DLK1: variants seen among roughly 807,000 people sequenced by gnomAD.
DLK1 encodes delta like non-canonical Notch ligand 1.
Under a neutral mutation model 35.2 loss-of-function variants are expected in DLK1, and 9 were observed. That is an observed-to-expected ratio of 0.26 (90% confidence interval 0.15 to 0.45). The LOEUF is 0.45. Among genes scored for constraint, DLK1 ranks in the 20% least tolerant of loss-of-function variants. The pLI, the probability that DLK1 is intolerant of heterozygous loss-of-function variation, is 1.00. For missense variants in DLK1, 522 were observed against 528.5 expected (o/e 0.99, Z 0.12); for synonymous variants, 231 against 228.4 (o/e 1.01, Z -0.10).
At position 100,737,898 on chromosome 14, in the gene DLK1, C is replaced by T. The variant is rs1555406; in HGVS notation, c.*3002C>T. 0.12 allele frequency: 18,649 copies of T among 152,210 alleles called. 1,170 individuals carry two copies. Among genetic ancestry groups the T allele is most frequent in the South Asian group, 0.23 (1,103 of 4,822 alleles). 9.4% of individuals were successfully genotyped at this position (152,210 alleles called of 1,614,324 possible). On this transcript the variant is annotated 3_prime_UTR_variant, in exon 5 of 5. Transcript: ENST00000341267. ...GCAGTGTCAGCAGCCTCGCCACGGT[C>T]TTCACGTCATGCAGAAATGGTCATT...
intron 2 of DLK1, 41 bp from the exon 3 acceptor site, chr14:100,728,895 C>T (rs1348363905): frequency 6.2e-7 from 1 of 1,606,306 alleles, no homozygotes. Context: ...CTACCCCTGC[C>T]CTCTTCATAT....
At position 100,734,951 on chromosome 14, in the gene DLK1, C is replaced by T. The variant is rs567161250; in HGVS notation, c.*55C>T. The T allele has an allele frequency of 2.5e-5, 38 of 1,519,310 alleles. No homozygotes were observed. In the East Asian group the frequency reaches 2.9e-4, roughly 12 times the overall value. The allele number at this position is 1,519,310 out of a possible 1,614,324, so 94.1% of individuals were successfully genotyped here. A position where few individuals can be genotyped will look rare whatever the true frequency, so the allele number is the denominator to read the frequency against. Reference sequence around the variant, plus strand: ...TTGGAGTTCCGCAGAGCTTACTATACGCGGTCTGTCCTAATCTTTGTGGTG... The same window carrying T: ...TTGGAGTTCCGCAGAGCTTACTATATGCGGTCTGTCCTAATCTTTGTGGTG... On this transcript the variant is annotated 3_prime_UTR_variant, in exon 5 of 5. Coordinates refer to ENST00000341267, the MANE Select transcript of DLK1 (RefSeq NM_003836.7). The surrounding 1 kb of genome is among the most constrained non-coding windows in gnomAD (Gnocchi z 7.4).
rs561614741 is a variant in DLK1, at chr14:100,733,009, C to T, written c.404+826C>T. 5.9e-5 allele frequency among the ~76,000 whole-genome samples: 9 copies of T among 152,230 alleles called. No homozygotes were observed. In the South Asian group the frequency reaches 1.2e-3, roughly 21 times the overall value. On this transcript the variant is annotated intron_variant, in intron 4 of 4. Transcript: ENST00000341267. ...AACATGCAAATAAGCTTATCTTGAC[C>T]GGACATCGCAGGGTGGCACAGAGAC...
At chr14:100,728,561 G>T (rs904479114) in intron 2 of DLK1, 102 bp downstream of exon 2, 6 of 1,026,204 alleles carry the variant, frequency 5.8e-6, no homozygotes, top group Non-Finnish European at 8.3e-6. Context: ...CCACTACGCT[G>T]CAGCAAACAG....
chr14:100,728,287 A>G (rs548973831), intron 1 of DLK1, 109 bp from the exon 2 acceptor site: 47 of 1,188,498 alleles, frequency 4.0e-5, no homozygotes, highest in South Asian at 2.5e-4. Flanking sequence ...AGGACCCAAG[A>G]GGGCTGTTGG....
Position 100,734,916 on chromosome 14 carries a change from C to G in DLK1, c.*20C>G. Reference sequence around the variant, plus strand: ...ATCTAAGCAGCGTTCCCACAGCCCCCTCTAGATTCTTGGAGTTCCGCAGAG... The same window carrying G: ...ATCTAAGCAGCGTTCCCACAGCCCCGTCTAGATTCTTGGAGTTCCGCAGAG... On this transcript the variant is annotated 3_prime_UTR_variant, in exon 5 of 5. Transcript: ENST00000341267. This position sits in a 1 kb window ranked among gnomAD's most constrained non-coding sequence, Gnocchi z 7.4. The G allele has an allele frequency of 3.2e-6, 5 of 1,546,224 alleles. No individual in the cohort carries two copies. Among genetic ancestry groups the G allele is most frequent in the Non-Finnish European group, 4.3e-6 (5 of 1,151,804 alleles).
rs751157855 is a variant in DLK1, at chr14:100,734,663, T to C, written c.919T>C (p.Phe307Leu). 6.2e-7 allele frequency: 1 copy of C among 1,614,044 alleles called. No individual in the cohort carries two copies. The highest frequency in any genetic ancestry group is 2.2e-5 in the East Asian group (1 of 44,890). ...CCTCACCGAGGGCCAGGCCATCTGC[T>C]TCACCATCCTGGGCGTGCTCACCAG... Reference protein sequence around the residue: ...PLLTEGQAICFTILGVLTSLV... With the variant: ...PLLTEGQAICLTILGVLTSLV... Residue 307 changes from phenylalanine (F) to leucine (L), a missense_variant, in exon 5 of 5, where the codon TTC becomes CTC. Transcript: ENST00000341267. The surrounding 1 kb of genome is among the most constrained non-coding windows in gnomAD (Gnocchi z 7.4).
chr14:100,727,158 T>C lies in DLK1; in HGVS notation c.67+23T>C, dbSNP rs771294067. 9.1e-6 allele frequency: 14 copies of C among 1,546,576 alleles called. No individual in the cohort carries two copies. The East Asian group carries it at 3.4e-4, about 38-fold the overall frequency. On this transcript the variant is annotated intron_variant, in intron 1 of 4. Coordinates refer to ENST00000341267, the MANE Select transcript of DLK1 (RefSeq NM_003836.7). ...ATGGTGAGTTCCCCGGCGGCCCGGC[T>C]CGCGCCCCCTCTGGGGAAGCCTGCG...
chr14:100,734,649 G>C lies in DLK1; in HGVS notation c.905G>C (p.Gly302Ala), dbSNP rs556698416. ...AAGAAAACCCCTCTCCTCACCGAGGGCCAGGCCATCTGCTTCACCATCCTG... is the reference window on the plus strand; with the variant it reads ...AAGAAAACCCCTCTCCTCACCGAGGCCCAGGCCATCTGCTTCACCATCCTG... ...LNKKTPLLTEGQAICFTILGV... is the reference protein window; with the variant it reads ...LNKKTPLLTEAQAICFTILGV... Residue 302 changes from glycine to alanine, a missense_variant, in exon 5 of 5, where the codon GGC (glycine) becomes GCC (alanine). Physicochemically the swap from Gly to Ala is moderately conservative, Grantham distance 60. Transcript: ENST00000341267. The surrounding 1 kb of genome is among the most constrained non-coding windows in gnomAD (Gnocchi z 7.4). 22 of 1,613,990 alleles carry C rather than the reference G, an allele frequency of 1.4e-5. No individual in the cohort carries two copies. The highest frequency in any genetic ancestry group is 1.8e-5 in the Non-Finnish European group (21 of 1,180,026).
rs201108303 is a variant in DLK1, at chr14:100,734,268, C to T, written c.524C>T (p.Thr175Ile). 14 of 1,613,366 alleles carry T rather than the reference C, an allele frequency of 8.7e-6. No individual in the cohort carries two copies. The highest frequency in any genetic ancestry group is 1.3e-5 in the African/African-American group (1 of 74,924). Residue 175 changes from threonine (T) to isoleucine (I), a missense_variant, in exon 5 of 5, where the codon ACC becomes ATC. Coordinates refer to ENST00000341267, the MANE Select transcript of DLK1 (RefSeq NM_003836.7). The surrounding 1 kb of genome is among the most constrained non-coding windows in gnomAD (Gnocchi z 7.4). ...TGCGAGATCGTGGCCAACAGCTGCA[C>T]CCCCAACCCATGCGAGAACGACGGC... ...NFCEIVANSC[T>I]PNPCENDGVC...
intron 4 of DLK1, among the ~76,000 whole-genome samples, chr14:100,732,746 T>C (rs1236524224): frequency 6.6e-6 from 1 of 152,016 alleles, no homozygotes; most frequent in African/African-American, 2.4e-5. Context: ...ACAGACAGAG[T>C]GGCCACTGTC....
intron 3 of DLK1, among the ~76,000 whole-genome samples, chr14:100,731,200 C>T (rs1304541844): frequency 6.6e-6 from 1 of 152,182 alleles, no homozygotes; most frequent in Admixed American, 6.5e-5. Context: ...ACAGGGGTCC[C>T]TTCCTGGCCC....
In DLK1 at chr14:100,729,052, A is replaced by T. The variant is rs761906566; in HGVS notation, c.248A>T (p.Glu83Val). Residue 83 changes from glutamate to valine, a missense_variant, in exon 3 of 5, where the codon GAG becomes GTG. Transcript: ENST00000341267. The part of the protein sequence containing the change: ...QCICTDGWDG[E>V]LCDRDVRACS... ...ATTTGCACCGACGGCTGGGACGGGGAGCTCTGTGATAGAGGTTGGCACTCG... is the reference window on the plus strand; with the variant it reads ...ATTTGCACCGACGGCTGGGACGGGGTGCTCTGTGATAGAGGTTGGCACTCG... 6.2e-6 allele frequency: 10 copies of T among 1,613,730 alleles called. No individual in the cohort carries two copies. The highest frequency in any genetic ancestry group is 1.7e-5 in the Admixed American group (1 of 60,016).
Position 100,735,247 on chromosome 14 carries a change from G to A in DLK1, c.*351G>A, listed in dbSNP as rs185637157. The A allele has an allele frequency of 2.7e-4, 56 of 204,946 alleles. No individual in the cohort carries two copies. Among genetic ancestry groups the A allele is most frequent in the African/African-American group, 1.2e-3 (50 of 43,120 alleles). 12.7% of individuals were successfully genotyped at this position (204,946 alleles called of 1,614,324 possible). A position where few individuals can be genotyped will look rare whatever the true frequency, so the allele number is the denominator to read the frequency against. On this transcript the variant is annotated 3_prime_UTR_variant, in exon 5 of 5. Transcript: ENST00000341267. ...CCGACGCCCCTACCCTGGGGGTCTC[G>A]GCCACATGGTCCTCGTGAAACCGTT...
intron 1 of DLK1, 26 bp from the exon 2 acceptor site, chr14:100,728,370 A>G: frequency 6.2e-7 from 1 of 1,611,190 alleles, no homozygotes; most frequent in South Asian, 1.1e-5. Context: ...GGTGGGGTGA[A>G]TTGTATAACC....
chr14:100,734,569 G>A lies in DLK1; in HGVS notation c.825G>A (p.Leu275=). ...AYRLTPGVHE[L]PVQQPEHRIL... ...GCCTGACCCCTGGGGTGCACGAGCT[G>A]CCGGTGCAGCAGCCGGAGCACCGCA... Residue 275 remains leucine (L), a synonymous_variant, in exon 5 of 5, where the codon CTG becomes CTA. Coordinates refer to ENST00000341267, the MANE Select transcript of DLK1 (RefSeq NM_003836.7). This position sits in a 1 kb window ranked among gnomAD's most constrained non-coding sequence, Gnocchi z 7.4. 6.2e-7 allele frequency: 1 copy of A among 1,613,526 alleles called. No individual in the cohort carries two copies. Among genetic ancestry groups the A allele is most frequent in the South Asian group, 1.1e-5 (1 of 91,080 alleles).
intron 3 of DLK1, 160 bp downstream of exon 3, chr14:100,729,226 G>A (rs1182675168): frequency 7.8e-7 from 1 of 1,286,232 alleles, no homozygotes; most frequent in Non-Finnish European, 1.1e-6. Flanking sequence ...ATTTCCTGTG[G>A]GTACCGAATG....
chr14:100,730,639 G>A (rs997338470), intron 3 of DLK1, among the ~76,000 whole-genome samples: 5 of 152,236 alleles, frequency 3.3e-5, no homozygotes, highest in African/African-American at 1.2e-4. Context: ...AGGGAGAGCT[G>A]CAGGGACAAG....
At chr14:100,733,042 G>A (rs1737623122) in intron 4 of DLK1, among the ~76,000 whole-genome samples, 2 of 152,214 alleles carry the variant, frequency 1.3e-5, no homozygotes, top group Non-Finnish European at 2.9e-5. Flanking sequence ...GACCCCAGTA[G>A]TCTGTAAGAG....
Sources: allele counts gnomAD v4.1 joint callset (sites outside exome capture counted in the v4.1 genomes callset), GRCh38; gene constraint gnomAD v4.1.1; non-coding constraint Gnocchi (gnomAD v3.1); transcripts MANE v1.5; gene names NCBI Gene and HGNC (gene_info 2026-07-23, HGNC 2026-07-21).